The following SEPTIN9 variants were observed in gnomAD, a reference collection of about 807,000 sequenced individuals.
SEPTIN9 encodes septin-9.
In SEPTIN9, 13 loss-of-function variants were observed where a neutral mutation model predicts 56.6. The observed-to-expected ratio is 0.23, with a 90% CI of 0.15 to 0.37. The LOEUF (loss-of-function observed/expected upper bound fraction) is 0.37. Ranked by LOEUF, SEPTIN9 falls within the 10% of genes least tolerant of loss-of-function variation. SEPTIN9 has a pLI of 1.00. For synonymous variants in SEPTIN9, 332 were observed against 334.1 expected (o/e 0.99, Z 0.07); for missense variants, 650 against 823.1 (o/e 0.79, Z 2.57).
intron 3 of SEPTIN9, chr17:77,446,836 T>C (rs571907951): frequency 3.6e-5 from 6 of 167,228 alleles, no homozygotes; most frequent in South Asian, 2.1e-4. Context: ...TTTTAAGATA[T>C]AAAGCAAGAA....
At chr17:77,303,245 C>T (rs781601770) in intron 1 of SEPTIN9, among the ~76,000 whole-genome samples, 4 of 151,512 alleles carry the variant, frequency 2.6e-5, no homozygotes, top group African/African-American at 4.8e-5. Flanking sequence ...GGATTACAGG[C>T]GAATGCCACC....
intron 1 of SEPTIN9, among the ~76,000 whole-genome samples, chr17:77,297,608 A>G (rs919218386): frequency 6.6e-6 from 1 of 152,194 alleles, no homozygotes; most frequent in Non-Finnish European, 1.5e-5. Context: ...CTGTTGGCAC[A>G]AGCCATCGTT....
chr17:77,470,928 C>A (rs1248366260), intron 3 of SEPTIN9: 1 of 152,190 alleles, frequency 6.6e-6, no homozygotes, highest in Non-Finnish European at 1.5e-5. Context: ...AAGCTAGGAC[C>A]GAGGGAGCCA....
chr17:77,456,671 G>A lies in SEPTIN9; in HGVS notation c.722-25473G>A, dbSNP rs533819042. Among the ~76,000 whole-genome samples the A allele has an allele frequency of 2.7e-4, 41 of 151,292 alleles. No individual in the cohort carries two copies. The South Asian group carries it at 8.6e-3, about 32-fold the overall frequency. ...GACAGGCCTCCATGGCCAGTACCAGGTCTCAGGGACCAGCACCGGGTACCC... is the reference window on the plus strand; with the variant it reads ...GACAGGCCTCCATGGCCAGTACCAGATCTCAGGGACCAGCACCGGGTACCC... On this transcript the variant is annotated intron_variant, in intron 3 of 11. Coordinates refer to ENST00000427177, the MANE Select transcript of SEPTIN9 (RefSeq NM_001113491.2). The surrounding 1 kb of genome is among the most constrained non-coding windows in gnomAD (Gnocchi z 6.0).
At chr17:77,311,177 C>T (rs923594495) in intron 2 of SEPTIN9, among the ~76,000 whole-genome samples, 2 of 151,958 alleles carry the variant, frequency 1.3e-5, no homozygotes, top group Admixed American at 6.6e-5. Flanking sequence ...GATGGAGTGA[C>T]GCAGCCCCAG....
At chr17:77,381,765 C>A (rs2143969967) in intron 2 of SEPTIN9, among the ~76,000 whole-genome samples, 1 of 152,272 alleles carries the variant, frequency 6.6e-6, no homozygotes, top group East Asian at 1.9e-4. Flanking sequence ...AGCATTACTG[C>A]TGAATGCCCT....
At chr17:77,477,543 A>ATGTGTTAGTTATTTCTGGAGCCGGG (rs2039267851) in intron 3 of SEPTIN9, among the ~76,000 whole-genome samples, 1 of 151,956 alleles carries the variant, frequency 6.6e-6, no homozygotes, top group Non-Finnish European at 1.5e-5. Context: ...CTGTTGGCGG[A>ATGTGTTAGTTATTTCTGGAGCCGGG]TGTGTTAGTT....
chr17:77,322,322 C>T (rs1469016069), intron 2 of SEPTIN9, among the ~76,000 whole-genome samples: 1 of 152,218 alleles, frequency 6.6e-6, no homozygotes, highest in Non-Finnish European at 1.5e-5. Flanking sequence ...CTGATCCCTG[C>T]TGCCCTTGGC....
At chr17:77,303,378 G>C (rs563245803) in intron 1 of SEPTIN9, among the ~76,000 whole-genome samples, 1 of 151,448 alleles carries the variant, frequency 6.6e-6, no homozygotes, top group African/African-American at 2.4e-5. Flanking sequence ...GATTACAGGC[G>C]TGAGTCACCA....
Position 77,488,883 on chromosome 17 carries a change from G to C in SEPTIN9, c.1262+19G>C. ...GCCACTCGTACGTCCCTGCAGTGTC[G>C]GCGTCCTCATGCCGGGTGCCCTGGG... On this transcript the variant is annotated intron_variant, in intron 7 of 11. Coordinates refer to ENST00000427177, the MANE Select transcript of SEPTIN9 (RefSeq NM_001113491.2). The C allele has an allele frequency of 1.9e-6, 3 of 1,612,252 alleles. No individual in the cohort carries two copies. Among genetic ancestry groups the C allele is most frequent in the Non-Finnish European group, 2.5e-6 (3 of 1,179,704 alleles).
intron 4 of SEPTIN9, among the ~76,000 whole-genome samples, chr17:77,486,636 G>A (rs545263025): frequency 4.0e-4 from 61 of 152,036 alleles, no homozygotes; most frequent in Admixed American, 9.2e-4. Flanking sequence ...TGTGAGTTGT[G>A]CATGTGAAGT....
In SEPTIN9 at chr17:77,497,816, G is replaced by T. The variant is rs62077405; in HGVS notation, c.1625+450G>T. On this transcript the variant is annotated intron_variant, in intron 11 of 11. Transcript: ENST00000427177. ...AGGAGGGGAAGCCCTGATGGAGAGG[G>T]TGCTGGGTGGGTGGTCCCTGGAGTG... 8.2e-3 allele frequency among the ~76,000 whole-genome samples: 1,249 copies of T among 152,092 alleles called. 1 individual carries two copies. Among genetic ancestry groups the T allele is most frequent in the Non-Finnish European group, 0.012 (845 of 67,976 alleles).
chr17:77,281,576 G>C lies in SEPTIN9; in HGVS notation c.19+22G>C, dbSNP rs1328945397. On this transcript the variant is annotated intron_variant, in intron 1 of 11. Transcript: ENST00000427177. ...TCAGGTGGGCTTCGCGCCCGGGGTG[G>C]GGAGGGGTCGGTGTCCCGGGACCAG... 2.0e-6 allele frequency: 3 copies of C among 1,535,662 alleles called. No homozygotes were observed. The South Asian group carries it at 3.6e-5, about 19-fold the overall frequency.
chr17:77,320,792 C>G (rs1455044325), intron 2 of SEPTIN9, among the ~76,000 whole-genome samples: 1 of 152,228 alleles, frequency 6.6e-6, no homozygotes, highest in Admixed American at 6.5e-5. Flanking sequence ...CCTCGGTCTC[C>G]TACCTAAAAT....
chr17:77,391,845 A>C (rs2035552086), intron 2 of SEPTIN9, among the ~76,000 whole-genome samples: 1 of 152,210 alleles, frequency 6.6e-6, no homozygotes, highest in Admixed American at 6.5e-5. Flanking sequence ...CCAGGTTGTT[A>C]GAGAGCTTTA....
At chr17:77,388,217 C>G (rs1045010364) in intron 2 of SEPTIN9, among the ~76,000 whole-genome samples, 1 of 152,162 alleles carries the variant, frequency 6.6e-6, no homozygotes, top group African/African-American at 2.4e-5. Context: ...TGTCTCAGAG[C>G]AGGAGGGGCC....
chr17:77,334,500 A>G (rs2033471746), intron 2 of SEPTIN9, among the ~76,000 whole-genome samples: 1 of 150,726 alleles, frequency 6.6e-6, no homozygotes, highest in Middle Eastern at 3.5e-3. Flanking sequence ...AGATATATGT[A>G]TCATAAGTTT....
At chr17:77,308,136 CA>C (rs1290283298) in intron 2 of SEPTIN9, among the ~76,000 whole-genome samples, 1 of 152,194 alleles carries the variant, frequency 6.6e-6, no homozygotes, top group Non-Finnish European at 1.5e-5. Context: ...CTGAGAAGAG[CA>C]GAGATGGCGT....
chr17:77,452,789 A>C (rs1373501474), intron 3 of SEPTIN9, among the ~76,000 whole-genome samples: 1 of 151,092 alleles, frequency 6.6e-6, no homozygotes, highest in Non-Finnish European at 1.5e-5. Flanking sequence ...TGTTTCCATG[A>C]ATGTCATTCT....
Sources: allele counts gnomAD v4.1 joint callset (sites outside exome capture counted in the v4.1 genomes callset), GRCh38; gene constraint gnomAD v4.1.1; non-coding constraint Gnocchi (gnomAD v3.1); transcripts MANE v1.5; gene names NCBI Gene and HGNC (gene_info 2026-07-23, HGNC 2026-07-21).